Variants in AGBL3 observed in about 807,000 individuals in gnomAD.
AGBL3 encodes AGBL carboxypeptidase 3, also known as cytosolic carboxypeptidase 3.
In AGBL3, 68 loss-of-function variants were observed where a neutral mutation model predicts 94.5. The ratio of observed to expected loss-of-function variants is 0.72; its 90% confidence interval spans 0.59 to 0.88. The LOEUF (loss-of-function observed/expected upper bound fraction) is 0.88. Ranked by LOEUF, AGBL3 falls within the 40% of genes least tolerant of loss-of-function variation. AGBL3 has a pLI of 0.00. For synonymous variants in AGBL3, 354 were observed against 370.7 expected (o/e 0.95, Z 0.52); for missense variants, 934 against 1,103.8 (o/e 0.85, Z 2.18).
intron 4 of AGBL3, among the ~76,000 whole-genome samples, chr7:135,006,573 C>T (rs1349022614): frequency 6.6e-6 from 1 of 151,894 alleles, no homozygotes. Context: ...CTTATCCTGG[C>T]AATTACTTAA....
rs564868834 is a variant in AGBL3, at chr7:135,029,104, T to A, written c.419-3740T>A. ...TTTATAGAGCACAGGCAGAATAGAT[T>A]TAGCATAATTCTTAAGGGCCCTAGG... On this transcript the variant is annotated intron_variant, in intron 5 of 16. Coordinates refer to ENST00000436302, the MANE Select transcript of AGBL3 (RefSeq NM_178563.4). 1.3e-4 allele frequency among the ~76,000 whole-genome samples: 20 copies of A among 152,344 alleles called. No individual in the cohort carries two copies. In the South Asian group the frequency reaches 3.9e-3, roughly 30 times the overall value.
intron 4 of AGBL3, among the ~76,000 whole-genome samples, chr7:135,004,430 G>A (rs951783893): frequency 2.6e-5 from 4 of 151,540 alleles, no homozygotes; most frequent in African/African-American, 7.2e-5. Context: ...TGGTATAAAC[G>A]TTATTTAGAA....
At chr7:135,076,777 T>G (rs1397147989) in intron 13 of AGBL3, among the ~76,000 whole-genome samples, 1 of 131,326 alleles carries the variant, frequency 7.6e-6, no homozygotes, top group Admixed American at 7.9e-5. Context: ...TAACTGGGAA[T>G]ATAAGGGTAT....
intron 4 of AGBL3, among the ~76,000 whole-genome samples, chr7:134,996,015 T>C (rs989557352): frequency 1.3e-5 from 2 of 152,202 alleles, no homozygotes; most frequent in East Asian, 1.9e-4. Flanking sequence ...TACGTATTGC[T>C]CTAGACCTTG....
chr7:135,094,580 G>C (rs1822367393), intron 15 of AGBL3: 1 of 455,640 alleles, frequency 2.2e-6, no homozygotes, highest in Non-Finnish European at 4.4e-6. Flanking sequence ...CCTCTTAGTT[G>C]CTCTGGAAAG....
At chr7:135,098,920 G>A (rs1418167882) in intron 15 of AGBL3, among the ~76,000 whole-genome samples, 1 of 152,026 alleles carries the variant, frequency 6.6e-6, no homozygotes, top group African/African-American at 2.4e-5. Context: ...CCACTAAAGA[G>A]CTAAAATGTG....
chr7:135,107,910 T>C (rs1824989796), intron 15 of AGBL3, among the ~76,000 whole-genome samples: 2 of 152,210 alleles, frequency 1.3e-5, no homozygotes, highest in South Asian at 4.1e-4. Flanking sequence ...TGGGTACATA[T>C]ATATTTAGAA....
chr7:135,054,373 G>A (rs1195827411), intron 11 of AGBL3, among the ~76,000 whole-genome samples: 8 of 152,186 alleles, frequency 5.3e-5, no homozygotes, highest in Non-Finnish European at 1.2e-4. Context: ...TCCTTTTATA[G>A]CTGCTGCTGA....
At chr7:134,999,733 A>G (rs1436647995) in intron 4 of AGBL3, among the ~76,000 whole-genome samples, 1 of 152,226 alleles carries the variant, frequency 6.6e-6, no homozygotes, top group African/African-American at 2.4e-5. Context: ...CCATTGGCAC[A>G]CCCAAACTTT....
intron 15 of AGBL3, among the ~76,000 whole-genome samples, chr7:135,086,281 T>C (rs1821330621): frequency 6.6e-6 from 1 of 152,094 alleles, no homozygotes; most frequent in South Asian, 2.1e-4. Flanking sequence ...CAGGGACAAT[T>C]TGACTTCCTT....
intron 4 of AGBL3, among the ~76,000 whole-genome samples, chr7:134,999,986 A>C (rs1057280750): frequency 2.6e-5 from 4 of 152,190 alleles, no homozygotes; most frequent in African/African-American, 4.8e-5. Flanking sequence ...TGGCCATAGG[A>C]TTTGGTGGCT....
chr7:135,012,563 T>C (rs1813290473), intron 4 of AGBL3: 1 of 152,172 alleles, frequency 6.6e-6, no homozygotes, highest in Non-Finnish European at 1.5e-5. Context: ...TGGGTAGATT[T>C]TTTTAATGGG....
chr7:135,104,185 G>C (rs1369842478), intron 15 of AGBL3, among the ~76,000 whole-genome samples: 1 of 151,980 alleles, frequency 6.6e-6, no homozygotes, highest in Non-Finnish European at 1.5e-5. Flanking sequence ...TTCTGTTCCT[G>C]TGCTAGTTTG....
intron 15 of AGBL3, among the ~76,000 whole-genome samples, chr7:135,109,518 G>A (rs1400996248): frequency 6.6e-6 from 1 of 152,180 alleles, no homozygotes; most frequent in Non-Finnish European, 1.5e-5. Flanking sequence ...TATGCTGGGG[G>A]TCTGCTCCAG....
At chr7:135,115,708 C>T (rs1350331566) in intron 16 of AGBL3, 97 bp downstream of exon 16, 14 of 1,047,080 alleles carry the variant, frequency 1.3e-5, no homozygotes, top group Non-Finnish European at 1.9e-5. Flanking sequence ...AAAAAATCTG[C>T]TCTTGAAAAT....
intron 15 of AGBL3, among the ~76,000 whole-genome samples, chr7:135,101,777 T>C (rs930284841): frequency 4.6e-5 from 7 of 152,188 alleles, no homozygotes; most frequent in African/African-American, 1.7e-4. Context: ...GATTCCATCA[T>C]GGTTGATATG....
intron 5 of AGBL3, among the ~76,000 whole-genome samples, chr7:135,025,507 A>G (rs1814990928): frequency 6.6e-6 from 1 of 151,674 alleles, no homozygotes; most frequent in Admixed American, 6.6e-5. Context: ...TTAACCATAT[A>G]GCCCACTGTA....
At chr7:135,082,597 A>G (rs1415916742) in intron 15 of AGBL3, among the ~76,000 whole-genome samples, 1 of 152,044 alleles carries the variant, frequency 6.6e-6, no homozygotes, top group Non-Finnish European at 1.5e-5. Context: ...AATTATTCTA[A>G]AATCTTGACA....
intron 4 of AGBL3, among the ~76,000 whole-genome samples, chr7:135,016,448 T>A (rs957324139): frequency 2.4e-4 from 37 of 151,500 alleles, no homozygotes; most frequent in African/African-American, 6.8e-4. Flanking sequence ...AAAAAAAAAA[T>A]ACAAATAACT....
Sources: gnomAD v4.1 joint callset for allele counts (sites outside exome capture counted in the v4.1 genomes callset) on GRCh38, gnomAD v4.1.1 for gene constraint, MANE v1.5 for transcripts, NCBI Gene and HGNC (gene_info 2026-07-23, HGNC 2026-07-21) for gene names.